HSPG2: variants seen among roughly 807,000 people sequenced by gnomAD.
HSPG2 encodes the protein basement membrane-specific heparan sulfate proteoglycan core protein.
HSPG2 carries 278 observed loss-of-function variants against 526.6 expected under a neutral mutation model. The observed-to-expected ratio is 0.53, with a 90% CI of 0.48 to 0.58. The LOEUF (loss-of-function observed/expected upper bound fraction) is 0.58. Among genes scored for constraint, HSPG2 ranks in the 20% least tolerant of loss-of-function variants. The probability of loss-of-function intolerance (pLI) is 0.00; values close to 1 mark genes in which losing one functional copy is unlikely to be tolerated. For missense variants in HSPG2, 5,354 were observed against 6,099.5 expected (o/e 0.88, Z 4.07); for synonymous variants, 2,465 against 2,555.4 (o/e 0.96, Z 1.07).
At chr1:21,916,536 C>A (rs1168629375) in intron 1 of HSPG2, among the ~76,000 whole-genome samples, 4 of 150,244 alleles carry the variant, frequency 2.7e-5, no homozygotes, top group Admixed American at 1.3e-4. Flanking sequence ...ATAAATAACA[C>A]AAAAAAAATT....
At position 21,862,986 on chromosome 1, in the gene HSPG2, GGAGGCGGAGCTTGCAGTGAGCC is replaced by G. The variant is rs1639918648; in HGVS notation, c.4741-893_4741-872del. Among the ~76,000 whole-genome samples the G allele has an allele frequency of 2.0e-5, 3 of 146,596 alleles. No individual in the cohort carries two copies. The South Asian group carries it at 6.6e-4, about 32-fold the overall frequency. Reference sequence around the variant, plus strand: ...GAGGCAGGAGAATGGCGTGAACCCAGGAGGCGGAGCTTGCAGTGAGCCGAGATTGTGCCATTGCACTCCAGCC... The same window carrying G: ...GAGGCAGGAGAATGGCGTGAACCCAGGAGATTGTGCCATTGCACTCCAGCC... On this transcript the variant is annotated intron_variant, in intron 37 of 96. Coordinates refer to ENST00000374695, the MANE Select transcript of HSPG2 (RefSeq NM_005529.7).
rs548226009 is a variant in HSPG2, at chr1:21,891,070, C to T, written c.245-376G>A. Reference sequence around the variant, plus strand: ...TGGGAAAGGCTCTGCCAGCCTTCCTCGGTCAGTTCCTACTCATTCCTCAGG... The same window carrying T: ...TGGGAAAGGCTCTGCCAGCCTTCCTTGGTCAGTTCCTACTCATTCCTCAGG... On this transcript the variant is annotated intron_variant, in intron 3 of 96. Transcript: ENST00000374695. 3.9e-5 allele frequency among the ~76,000 whole-genome samples: 6 copies of T among 152,330 alleles called. No individual in the cohort carries two copies. In the South Asian group the frequency reaches 8.3e-4, roughly 21 times the overall value.
At chr1:21,874,121 A>G in intron 28 of HSPG2, 110 bp from the exon 29 acceptor site, 1 of 970,874 alleles carries the variant, frequency 1.0e-6, no homozygotes, top group South Asian at 1.5e-5. Flanking sequence ...ATGTGAACTC[A>G]TGTGTCCTCA....
chr1:21,880,126 G>A lies in HSPG2; in HGVS notation c.2324C>T (p.Pro775Leu). 1 of 1,614,106 alleles carries A rather than the reference G, an allele frequency of 6.2e-7. No individual in the cohort carries two copies. Among genetic ancestry groups the A allele is most frequent in the Non-Finnish European group, 8.5e-7 (1 of 1,179,984 alleles). The change falls in exon 17 of 97, where the codon CCT becomes CTT. Residue 775 changes from proline (P) to leucine (L), a missense_variant. Pro to Leu is a moderately conservative substitution (Grantham distance 98). Coordinates refer to ENST00000374695, the MANE Select transcript of HSPG2 (RefSeq NM_005529.7). ...NCNGHASSCD[P>L]VYGHCLNCQH... ...ACTCACCAGGCAGTGGCCATACACA[G>A]GGTCACAGGAGCTGGCATGGCCATT...
At chr1:21,841,320 C>A in intron 70 of HSPG2, 35 bp from the exon 71 acceptor site, 2 of 1,611,284 alleles carry the variant, frequency 1.2e-6, no homozygotes, top group Non-Finnish European at 8.5e-7. Flanking sequence ...GACACACAGG[C>A]AGGGCTCTGC....
intron 69 of HSPG2, 141 bp from the exon 70 acceptor site, chr1:21,841,814 G>T: frequency 7.6e-7 from 1 of 1,322,572 alleles, no homozygotes; most frequent in Middle Eastern, 2.5e-4. Context: ...GCAGATAGCA[G>T]AAAGTAACAA....
At chr1:21,894,290 G>A (rs1383120420) in intron 3 of HSPG2, among the ~76,000 whole-genome samples, 8 of 152,056 alleles carry the variant, frequency 5.3e-5, no homozygotes, top group African/African-American at 1.9e-4. Context: ...TCTGGGACTG[G>A]GCCAGAGGCT....
intron 33 of HSPG2, chr1:21,870,324 T>G: frequency 2.0e-6 from 2 of 985,270 alleles, no homozygotes; most frequent in Non-Finnish European, 2.4e-6. Context: ...TCTGATGAAA[T>G]GGAGGGAGCA....
chr1:21,849,029 C>T lies in HSPG2; in HGVS notation c.7449G>A (p.Val2483=), dbSNP rs779935740. ...GGAGCAGGCGTAGCCTCGAGCCATG[C>T]ACCTGGGAGGGTCAGGAGGGAGGAG... ...RGGSLPARHQ[V]HGSRLRLLQV... Residue 2483 remains valine, a splice_region_variant and synonymous_variant, in exon 58 of 97, where the codon GTG becomes GTA. Transcript: ENST00000374695. 3.1e-6 allele frequency: 5 copies of T among 1,613,838 alleles called. No homozygotes were observed. In the South Asian group the frequency reaches 3.3e-5, roughly 11 times the overall value.
intron 17 of HSPG2, 61 bp from the exon 18 acceptor site, chr1:21,879,182 G>C: frequency 1.2e-6 from 2 of 1,606,486 alleles, no homozygotes; most frequent in Non-Finnish European, 1.7e-6. Context: ...GATGCTGCGG[G>C]GGACCTTGGA....
chr1:21,853,138 G>T, intron 50 of HSPG2, 68 bp from the exon 51 acceptor site: 2 of 1,599,062 alleles, frequency 1.3e-6, no homozygotes, highest in Non-Finnish European at 1.7e-6. Flanking sequence ...GGGGCAGAAG[G>T]CTCTGGGCTG....
At position 21,874,463 on chromosome 1, in the gene HSPG2, C is replaced by G. The variant is rs759109711; in HGVS notation, c.3599G>C (p.Arg1200Pro). 1.6e-5 allele frequency: 25 copies of G among 1,612,168 alleles called. No homozygotes were observed. The highest frequency in any genetic ancestry group is 5.3e-5 in the African/African-American group (4 of 74,858). ...CQPGYYGDAQ[R>P]GTPQDCQLCP... ...CAGCTGGCAGTCCTGTGGTGTCCCC[C>G]GCTGGGCGTCCCCGTAGTATCCTGG... Residue 1200 changes from arginine to proline, a missense_variant, in exon 28 of 97, where the codon CGG (arginine) becomes CCG (proline). Arg to Pro is a moderately radical substitution (Grantham distance 103). Coordinates refer to ENST00000374695, the MANE Select transcript of HSPG2 (RefSeq NM_005529.7).
intron 71 of HSPG2, 145 bp from the exon 72 acceptor site, chr1:21,840,162 A>T: frequency 1.4e-6 from 1 of 701,882 alleles, no homozygotes; most frequent in Non-Finnish European, 2.4e-6. Context: ...TTTTTGAGAC[A>T]GGGTCTTACT....
intron 1 of HSPG2, among the ~76,000 whole-genome samples, chr1:21,896,574 A>T (rs1030466915): frequency 1.3e-5 from 2 of 152,172 alleles, no homozygotes; most frequent in African/African-American, 4.8e-5. Context: ...ATAAAATGTA[A>T]ATCACTTTGG....
At chr1:21,896,335 A>T in intron 1 of HSPG2, 25 bp from the exon 2 acceptor site, 1 of 1,610,000 alleles carries the variant, frequency 6.2e-7, no homozygotes, top group Admixed American at 1.7e-5. Flanking sequence ...GAGCTGATTG[A>T]GTCACTCTCT....
At chr1:21,886,548 C>T (rs1641909091) in intron 9 of HSPG2, among the ~76,000 whole-genome samples, 1 of 152,152 alleles carries the variant, frequency 6.6e-6, no homozygotes, top group Admixed American at 6.5e-5. Context: ...CGGGACAGGA[C>T]ATACAGGATA....
intron 64 of HSPG2, among the ~76,000 whole-genome samples, chr1:21,845,041 T>G (rs983949839): frequency 6.6e-6 from 1 of 151,978 alleles, no homozygotes; most frequent in Non-Finnish European, 1.5e-5. Flanking sequence ...AGGTCAGGAG[T>G]TCGAGACCAG....
At chr1:21,835,892 G>A (rs1472738180) in intron 75 of HSPG2, among the ~76,000 whole-genome samples, 1 of 149,654 alleles carries the variant, frequency 6.7e-6, no homozygotes, top group Non-Finnish European at 1.5e-5. Flanking sequence ...ACTGAGGCAC[G>A]AGAAACGCTT....
At position 21,858,025 on chromosome 1, in the gene HSPG2, A is replaced by G. The variant is rs1639479339; in HGVS notation, c.5294-640T>C. On this transcript the variant is annotated intron_variant, in intron 42 of 96. Transcript: ENST00000374695. This position sits in a 1 kb window ranked among gnomAD's most constrained non-coding sequence, Gnocchi z 4.2. Reference sequence around the variant, plus strand: ...ACTTCGGTCCAGAGTGCATTCTAGGATTTCCCATTTCCGAAAACTCCCCCT... The same window carrying G: ...ACTTCGGTCCAGAGTGCATTCTAGGGTTTCCCATTTCCGAAAACTCCCCCT... Among the ~76,000 whole-genome samples the G allele has an allele frequency of 6.6e-6, 1 of 151,986 alleles. No homozygotes were observed. Among genetic ancestry groups the G allele is most frequent in the Admixed American group, 6.6e-5 (1 of 15,254 alleles).
Sources: gnomAD v4.1 joint callset for allele counts (sites outside exome capture counted in the v4.1 genomes callset) on GRCh38, gnomAD v4.1.1 for gene constraint, Gnocchi (gnomAD v3.1) non-coding constraint, MANE v1.5 for transcripts, NCBI Gene and HGNC (gene_info 2026-07-23, HGNC 2026-07-21) for gene names.